IFI27L1: variants seen among roughly 807,000 people sequenced by gnomAD.
IFI27L1 encodes interferon alpha-inducible protein 27-like protein 1.
A neutral mutation model predicts 9.2 loss-of-function variants in IFI27L1; 3 were observed. The ratio of observed to expected loss-of-function variants is 0.32; its 90% confidence interval spans 0.15 to 0.84. The LOEUF is 0.84. Ranked by LOEUF, IFI27L1 falls within the 40% of genes least tolerant of loss-of-function variation. The pLI is 0.56. For synonymous variants in IFI27L1, 53 were observed against 50.0 expected (o/e 1.06, Z -0.26); for missense variants, 133 against 134.2 (o/e 0.99, Z 0.05).
At chr14:94,090,752 A>C (rs1351173421) in intron 1 of IFI27L1, among the ~76,000 whole-genome samples, 1 of 152,248 alleles carries the variant, frequency 6.6e-6, no homozygotes, top group Non-Finnish European at 1.5e-5. Context: ...GGGAAAGCAC[A>C]TCATTACAGT....
intron 2 of IFI27L1, among the ~76,000 whole-genome samples, chr14:94,099,412 C>G (rs1015321096): frequency 6.6e-6 from 1 of 152,074 alleles, no homozygotes; most frequent in Non-Finnish European, 1.5e-5. Flanking sequence ...TTTGAAGATC[C>G]AGGGAGAAGT....
At chr14:94,082,521 T>A (rs1028748860) in intron 1 of IFI27L1, among the ~76,000 whole-genome samples, 2 of 152,194 alleles carry the variant, frequency 1.3e-5, no homozygotes, top group Admixed American at 1.3e-4. Flanking sequence ...GCTAGAGAGG[T>A]CAATGTCTGG....
At chr14:94,102,076 C>T in intron 4 of IFI27L1, 101 bp downstream of exon 4, 1 of 1,243,224 alleles carries the variant, frequency 8.0e-7, no homozygotes, top group Non-Finnish European at 1.2e-6. Flanking sequence ...GATCCTCTGC[C>T]TCTTGGGCCC....
In IFI27L1 at chr14:94,101,251, C is replaced by T. The variant is rs1015039860; in HGVS notation, c.61+480C>T. 5 of 244,548 alleles carry T rather than the reference C, an allele frequency of 2.0e-5. No individual in the cohort carries two copies. The South Asian group carries it at 4.2e-4, about 20-fold the overall frequency. The allele number at this position is 244,548 out of a possible 1,614,324, so 15.1% of individuals were successfully genotyped here. A position where few individuals can be genotyped will look rare whatever the true frequency, so the allele number is the denominator to read the frequency against. On this transcript the variant is annotated intron_variant, in intron 3 of 4. Transcript: ENST00000555523. ...AACTAAAGAAAATCATAATGTTTCT[C>T]TGTCACCTGCACCACATTTCAAGTG...
intron 1 of IFI27L1, among the ~76,000 whole-genome samples, chr14:94,085,000 A>G (rs979299111): frequency 1.2e-4 from 16 of 133,292 alleles, no homozygotes; most frequent in African/African-American, 1.9e-4. Flanking sequence ...TGTGTGGGGG[A>G]AAAAAAAAAG....
chr14:94,100,436 A>G lies in IFI27L1; in HGVS notation c.29-303A>G, dbSNP rs552162411. On this transcript the variant is annotated intron_variant, in intron 2 of 4. Coordinates refer to ENST00000555523, the MANE Select transcript of IFI27L1 (RefSeq NM_206949.3). ...TGTTCCTGCCAGCCCTGAGAGCTCA[A>G]CACAACTCAGGAGGCCCAGGCATGC... The G allele has an allele frequency of 1.8e-4, 173 of 985,270 alleles. No individual in the cohort carries two copies. The African/African-American group carries it at 3.0e-3, about 17-fold the overall frequency. The allele number at this position is 985,270 out of a possible 1,614,324, so 61.0% of individuals were successfully genotyped here.
At chr14:94,091,513 A>T (rs1420170381) in intron 1 of IFI27L1, among the ~76,000 whole-genome samples, 1 of 152,230 alleles carries the variant, frequency 6.6e-6, no homozygotes, top group Non-Finnish European at 1.5e-5. Context: ...TAAGGCAAAT[A>T]TGTCATTTTT....
intron 1 of IFI27L1, among the ~76,000 whole-genome samples, chr14:94,085,739 A>G (rs1441966617): frequency 6.6e-6 from 1 of 152,210 alleles, no homozygotes; most frequent in Non-Finnish European, 1.5e-5. Flanking sequence ...ATATCATCAT[A>G]TAAGTATTGC....
intron 3 of IFI27L1, chr14:94,101,454 T>A (rs1033099918): frequency 3.3e-6 from 1 of 304,160 alleles, no homozygotes; most frequent in Non-Finnish European, 6.1e-6. Context: ...TCTGATATTG[T>A]CTTCTGTCAA....
Position 94,096,977 on chromosome 14 carries a change from A to T in IFI27L1, c.28+12A>T. 1 of 1,609,166 alleles carries T rather than the reference A, an allele frequency of 6.2e-7. No individual in the cohort carries two copies. The highest frequency in any genetic ancestry group is 8.5e-7 in the Non-Finnish European group (1 of 1,177,002). ...TGGATGGGACTCAGGTGGGTACTGC[A>T]CATGATTCTGGGGGCTGCTGGTCCT... On this transcript the variant is annotated intron_variant, in intron 2 of 4. Coordinates refer to ENST00000555523, the MANE Select transcript of IFI27L1 (RefSeq NM_206949.3).
At position 94,085,326 on chromosome 14, in the gene IFI27L1, C is replaced by T. The variant is rs529714298; in HGVS notation, c.-52+3877C>T. Among the ~76,000 whole-genome samples, 29 of 152,310 alleles carry T rather than the reference C, an allele frequency of 1.9e-4. 1 individual carries two copies. In the South Asian group the frequency reaches 6.0e-3, roughly 32 times the overall value. On this transcript the variant is annotated intron_variant, in intron 1 of 4. Coordinates refer to ENST00000555523, the MANE Select transcript of IFI27L1 (RefSeq NM_206949.3). ...TTAGCTGTGTGACTCTGGCAGATTA[C>T]TTACTCTTCCTGCATGTTTCCTCAT... is the stretch of plus-strand genomic sequence containing the variant.
chr14:94,097,058 CA>C (rs1255579516), intron 2 of IFI27L1, 93 bp downstream of exon 2: 1 of 972,884 alleles, frequency 1.0e-6, no homozygotes, highest in Non-Finnish European at 1.5e-6. Context: ...ATGTCAACCC[CA>C]AATAACAGAG....
intron 2 of IFI27L1, among the ~76,000 whole-genome samples, chr14:94,099,799 C>A (rs1199577797): frequency 1.3e-5 from 2 of 151,952 alleles, no homozygotes; most frequent in African/African-American, 4.8e-5. Context: ...CTCTAGGGGG[C>A]TGCTCGCTGT....
intron 1 of IFI27L1, among the ~76,000 whole-genome samples, chr14:94,093,469 C>T (rs1886556294): frequency 6.6e-6 from 1 of 152,196 alleles, no homozygotes; most frequent in Non-Finnish European, 1.5e-5. Flanking sequence ...CAACGCCCGG[C>T]CCTGACTGCA....
chr14:94,100,800 C>T (rs1215979097), intron 3 of IFI27L1, 29 bp downstream of exon 3: 2 of 1,612,514 alleles, frequency 1.2e-6, no homozygotes, highest in Middle Eastern at 1.7e-4. Context: ...GAACTCAAGC[C>T]CCCATCCCCC....
chr14:94,093,327 C>T lies in IFI27L1; in HGVS notation c.-51-3560C>T, dbSNP rs542326091. ...GACTACAGACACCCGCCACCATGCC[C>T]GGCTAATTTTTTTTTTTGTATTTTT... On this transcript the variant is annotated intron_variant, in intron 1 of 4. Coordinates refer to ENST00000555523, the MANE Select transcript of IFI27L1 (RefSeq NM_206949.3). Among the ~76,000 whole-genome samples the T allele has an allele frequency of 6.6e-5, 10 of 151,878 alleles. No homozygotes were observed. The South Asian group carries it at 1.7e-3, about 25-fold the overall frequency.
chr14:94,097,852 C>T (rs1886731343), intron 2 of IFI27L1, among the ~76,000 whole-genome samples: 2 of 152,238 alleles, frequency 1.3e-5, no homozygotes, highest in African/African-American at 4.8e-5. Flanking sequence ...ACTTGGGTCA[C>T]TTCATGTTTG....
intron 1 of IFI27L1, among the ~76,000 whole-genome samples, chr14:94,094,377 C>T (rs992596621): frequency 1.4e-4 from 21 of 152,020 alleles, no homozygotes; most frequent in Non-Finnish European, 3.1e-4. Flanking sequence ...GACAAGTGGC[C>T]GCCTGAATTT....
chr14:94,088,358 G>C, intron 1 of IFI27L1: 1 of 702,142 alleles, frequency 1.4e-6, no homozygotes, highest in Non-Finnish European at 2.6e-6. Context: ...TGTGGCAGTG[G>C]CTTCCCGATA....
Sources: gnomAD v4.1 joint callset for allele counts (sites outside exome capture counted in the v4.1 genomes callset) on GRCh38, gnomAD v4.1.1 for gene constraint, MANE v1.5 for transcripts, NCBI Gene and HGNC (gene_info 2026-07-23, HGNC 2026-07-21) for gene names.